MMP16: variants seen among roughly 807,000 people sequenced by gnomAD.
The protein encoded by MMP16 is matrix metallopeptidase 16.
A neutral mutation model predicts 67.8 loss-of-function variants in MMP16; 12 were observed. The ratio of observed to expected loss-of-function variants is 0.18; its 90% CI spans 0.11 to 0.29. The LOEUF (loss-of-function observed/expected upper bound fraction) is 0.29, where lower values mean the gene tolerates loss of function less well. MMP16 is among the 10% of genes least tolerant of loss of function. The pLI, the probability that MMP16 is intolerant of heterozygous loss-of-function variation, is 1.00. For missense variants in MMP16, 475 were observed against 765.7 expected (o/e 0.62, Z 4.48); for synonymous variants, 249 against 255.9 (o/e 0.97, Z 0.26).
Position 88,276,225 on chromosome 8 carries a change from C to T in MMP16, c.132+50850G>A, listed in dbSNP as rs28904578. Among the ~76,000 whole-genome samples, 465 of 152,212 alleles carry T rather than the reference C, an allele frequency of 3.1e-3. 3 individuals carry two copies. Among genetic ancestry groups the T allele is most frequent in the African/African-American group, 0.01 (430 of 41,568 alleles). On this transcript the variant is annotated intron_variant, in intron 1 of 9. Coordinates refer to ENST00000286614, the MANE Select transcript of MMP16 (RefSeq NM_005941.5). ...ACAGTGGGGTACCCAAGCTCAGACA[C>T]ACAAAAGTATACCTTACATTGCAAA...
At chr8:88,256,380 A>T (rs968373138) in intron 1 of MMP16, among the ~76,000 whole-genome samples, 1 of 152,084 alleles carries the variant, frequency 6.6e-6, no homozygotes, top group Non-Finnish European at 1.5e-5. Flanking sequence ...GGTCAAATCG[A>T]CTTCACACAA....
intron 2 of MMP16, among the ~76,000 whole-genome samples, chr8:88,193,673 T>C (rs913569384): frequency 3.3e-5 from 5 of 152,052 alleles, no homozygotes; most frequent in African/African-American, 1.2e-4. Flanking sequence ...ATGTACTGTA[T>C]GCCTGTATCA....
intron 1 of MMP16, among the ~76,000 whole-genome samples, chr8:88,212,087 C>G (rs897041317): frequency 1.3e-5 from 2 of 152,124 alleles, no homozygotes; most frequent in African/African-American, 2.4e-5. Flanking sequence ...TCCTAGTCTT[C>G]CTTGAAGTCT....
intron 1 of MMP16, among the ~76,000 whole-genome samples, chr8:88,200,717 A>C (rs1383460467): frequency 6.6e-6 from 1 of 152,026 alleles, no homozygotes; most frequent in East Asian, 1.9e-4. Context: ...TCATTAATTC[A>C]TAAATATTAG....
rs2030347 is a variant in MMP16, at chr8:88,204,168, T to G, written c.133-6862A>C. Among the ~76,000 whole-genome samples, 126 of 152,274 alleles carry G rather than the reference T, an allele frequency of 8.3e-4. 2 individuals are homozygous for G. In the East Asian group the frequency reaches 0.018, roughly 21 times the overall value. ...CTGCCGAAAGAACAGTTGCAGAGGG[T>G]TTTAAGCCCATTTGTTAAAAATATA... On this transcript the variant is annotated intron_variant, in intron 1 of 9. Transcript: ENST00000286614.
intron 1 of MMP16, among the ~76,000 whole-genome samples, chr8:88,298,894 A>T (rs73692218): frequency 0.1 from 15,433 of 152,174 alleles, 940 homozygotes; most frequent in South Asian, 0.17. Flanking sequence ...GTTATAATTA[A>T]TTTAAAATAG....
At chr8:88,255,884 C>T (rs1477471729) in intron 1 of MMP16, among the ~76,000 whole-genome samples, 3 of 152,134 alleles carry the variant, frequency 2.0e-5, no homozygotes, top group Non-Finnish European at 4.4e-5. Flanking sequence ...ATTTAGATCC[C>T]AATTTCTGCA....
At chr8:88,043,659 T>C (rs1808162238) in intron 9 of MMP16, among the ~76,000 whole-genome samples, 2 of 152,230 alleles carry the variant, frequency 1.3e-5, no homozygotes, top group African/African-American at 4.8e-5. Flanking sequence ...CACTTCATTC[T>C]GGAAATCGTT....
chr8:88,323,571 C>A (rs964618699), intron 1 of MMP16, among the ~76,000 whole-genome samples: 1 of 151,992 alleles, frequency 6.6e-6, no homozygotes, highest in Non-Finnish European at 1.5e-5. Flanking sequence ...ATATATGCAT[C>A]ATTTAGAATT....
intron 4 of MMP16, among the ~76,000 whole-genome samples, chr8:88,131,056 T>C (rs770046773): frequency 2.0e-5 from 3 of 151,718 alleles, no homozygotes; most frequent in Non-Finnish European, 2.9e-5. Flanking sequence ...TAAAGGATAA[T>C]AGCAACATTC....
At chr8:88,260,713 G>A (rs1314248801) in intron 1 of MMP16, among the ~76,000 whole-genome samples, 1 of 151,934 alleles carries the variant, frequency 6.6e-6, no homozygotes, top group Non-Finnish European at 1.5e-5. Flanking sequence ...AGATGAACCT[G>A]AACAATTACA....
At chr8:88,070,530 T>A (rs190398216) in intron 7 of MMP16, among the ~76,000 whole-genome samples, 81 of 152,204 alleles carry the variant, frequency 5.3e-4, no homozygotes, top group African/African-American at 1.9e-3. Context: ...TGACCAATAC[T>A]CTTTCCAATA....
At chr8:88,148,968 G>A (rs954299722) in intron 4 of MMP16, among the ~76,000 whole-genome samples, 4 of 152,204 alleles carry the variant, frequency 2.6e-5, no homozygotes, top group South Asian at 2.1e-4. Context: ...TCTCATTAGG[G>A]AGTGCCAGAC....
intron 1 of MMP16, among the ~76,000 whole-genome samples, chr8:88,290,498 A>T (rs928577876): frequency 6.6e-6 from 1 of 152,096 alleles, no homozygotes; most frequent in East Asian, 1.9e-4. Flanking sequence ...GCTTGCAATG[A>T]GCAGATATTG....
rs1808357549 is a variant in MMP16, at chr8:88,058,398, A to T, written c.1223-2120T>A. ...CACTCAATAATTACTTAGTACATGT[A>T]CCAGGCACTGTTGTAGGCACTACTG... On this transcript the variant is annotated intron_variant, in intron 7 of 9. Transcript: ENST00000286614. This position sits in a 1 kb window ranked among gnomAD's most constrained non-coding sequence, Gnocchi z 4.2. Among the ~76,000 whole-genome samples the T allele has an allele frequency of 6.6e-6, 1 of 152,164 alleles. No individual in the cohort carries two copies. Among genetic ancestry groups the T allele is most frequent in the African/African-American group, 2.4e-5 (1 of 41,460 alleles).
At chr8:88,128,290 C>T (rs1807969748) in intron 4 of MMP16, among the ~76,000 whole-genome samples, 1 of 151,676 alleles carries the variant, frequency 6.6e-6, no homozygotes, top group South Asian at 2.1e-4. Flanking sequence ...TTTTATTTTA[C>T]ATTGAAAAAA....
chr8:88,261,277 AT>A (rs990780609), intron 1 of MMP16, among the ~76,000 whole-genome samples: 1 of 152,100 alleles, frequency 6.6e-6, no homozygotes, highest in African/African-American at 2.4e-5. Flanking sequence ...TATTTCATTT[AT>A]TGAGATTATA....
At position 88,167,890 on chromosome 8, in the gene MMP16, G is replaced by A; in HGVS notation, c.488C>T (p.Thr163Ile). ...GGGAACTTCTTCAAATGTCAGAGGA[G>A]TTACATTCTGCCACACATCAAAGGC... Reference protein sequence around the residue: ...RRAFDVWQNVTPLTFEEVPYS... With the variant: ...RRAFDVWQNVIPLTFEEVPYS... Residue 163 changes from threonine (T) to isoleucine (I), a missense_variant, in exon 4 of 10, where the codon ACT becomes ATT. By Grantham distance (89) the Thr-to-Ile change is moderately conservative. Coordinates refer to ENST00000286614, the MANE Select transcript of MMP16 (RefSeq NM_005941.5). The A allele has an allele frequency of 6.2e-7, 1 of 1,613,988 alleles. No individual in the cohort carries two copies.
chr8:88,096,638 G>A (rs1809031729), intron 6 of MMP16, among the ~76,000 whole-genome samples: 1 of 151,848 alleles, frequency 6.6e-6, no homozygotes, highest in Non-Finnish European at 1.5e-5. Flanking sequence ...GTTGGACTGA[G>A]TGTTATGTCT....
Sources: allele counts gnomAD v4.1 joint callset (sites outside exome capture counted in the v4.1 genomes callset), GRCh38; gene constraint gnomAD v4.1.1; non-coding constraint Gnocchi (gnomAD v3.1); transcripts MANE v1.5; gene names NCBI Gene and HGNC (gene_info 2026-07-23, HGNC 2026-07-21).